Variants in RANBP2 observed in about 807,000 individuals in gnomAD.
RANBP2 encodes E3 SUMO-protein ligase RanBP2.
RANBP2 carries 57 observed loss-of-function variants against 303.6 expected under a neutral mutation model. The ratio of observed to expected loss-of-function variants is 0.19; its 90% CI spans 0.15 to 0.23. The LOEUF (loss-of-function observed/expected upper bound fraction) is 0.23. Ranked by LOEUF, RANBP2 falls within the 10% of genes least tolerant of loss-of-function variation. The pLI, the probability that RANBP2 is intolerant of heterozygous loss-of-function variation, is 1.00. For synonymous variants in RANBP2, 1,167 were observed against 1,301.5 expected (o/e 0.90, Z 2.23); for missense variants, 3,138 against 3,780.8 (o/e 0.83, Z 4.46).
At chr2:109,130,086 G>T in the RANBP2 span, 1 of 1,357,174 alleles carries the variant, frequency 7.4e-7, no homozygotes, top group Non-Finnish European at 9.5e-7. Flanking sequence ...GGGAGCTGGC[G>T]ACCAGCAGGA....
the RANBP2 span, chr2:108,923,257 CTG>C: frequency 9.4e-7 from 1 of 1,064,172 alleles, no homozygotes; most frequent in Non-Finnish European, 1.5e-6. Context: ...AGTGCTGTTA[CTG>C]TGATTCACCT....
At chr2:109,212,606 C>G in the RANBP2 span, among the ~76,000 whole-genome samples, 9 of 152,274 alleles carry the variant, frequency 5.9e-5, no homozygotes, top group Non-Finnish European at 1.2e-4. Context: ...TTTGACAGAT[C>G]TTTTGGGTTC....
the RANBP2 span, among the ~76,000 whole-genome samples, chr2:109,705,176 G>A: frequency 6.6e-6 from 1 of 152,002 alleles, no homozygotes; most frequent in South Asian, 2.1e-4. Flanking sequence ...AGGCTGAGGC[G>A]GGCGGATCCC....
chr2:109,086,241 G>A, the RANBP2 span, among the ~76,000 whole-genome samples: 5 of 152,288 alleles, frequency 3.3e-5, no homozygotes, highest in South Asian at 1.0e-3. Context: ...GCACTCGGGT[G>A]CAGGTACCTG....
chr2:109,418,999 C>T, the RANBP2 span, among the ~76,000 whole-genome samples: 9 of 152,120 alleles, frequency 5.9e-5, no homozygotes, highest in African/African-American at 2.2e-4. Context: ...GGGTCATCTC[C>T]TTGCTTAAAA....
At chr2:108,769,680 A>T (rs1341322281) in intron 20 of RANBP2, among the ~76,000 whole-genome samples, 1 of 152,112 alleles carries the variant, frequency 6.6e-6, no homozygotes, top group Non-Finnish European at 1.5e-5. Flanking sequence ...TACAATATGG[A>T]AGAGTGTCCC....
At chr2:108,786,729 C>G (rs1160627706), downstream of RANBP2, 4 of 1,175,004 alleles carry the variant, frequency 3.4e-6, no homozygotes, top group African/African-American at 6.2e-5. Flanking sequence ...CTCGGGGGGG[C>G]GGGGTCTGGC....
At chr2:108,804,634 GACTCATTGCTACTTTGT>G in the RANBP2 span, among the ~76,000 whole-genome samples, 1 of 152,134 alleles carries the variant, frequency 6.6e-6, no homozygotes, top group Non-Finnish European at 1.5e-5. Flanking sequence ...GCAGAAAATA[GACTCATTGCTACTTTGT>G]AAATGCTAAT....
the RANBP2 span, among the ~76,000 whole-genome samples, chr2:108,912,948 CTTT>C: frequency 6.5e-5 from 9 of 139,106 alleles, no homozygotes; most frequent in South Asian, 2.3e-4. Context: ...CGTTATTGTT[CTTT>C]TTTTTTTTTT....
rs1454439395 is a variant in RANBP2 at position 108,763,226 on chromosome 2, C to G, written c.2698-11C>G. On this transcript the variant is annotated splice_polypyrimidine_tract_variant and intron_variant, in intron 19 of 28. Coordinates refer to ENST00000283195, the MANE Select transcript of RANBP2 (RefSeq NM_006267.5). ...ACAATCTACAAAATGTTTTAACTTT[C>G]TGTCTTTTAGGGCCCAGTCTATGGC... is the stretch of plus-strand genomic sequence containing the variant. 6.2e-6 allele frequency: 10 copies of G among 1,613,032 alleles called. No individual in the cohort carries two copies. The highest frequency in any genetic ancestry group is 8.5e-6 in the Non-Finnish European group (10 of 1,179,546).
chr2:109,141,020 C>T, the RANBP2 span, among the ~76,000 whole-genome samples: 14 of 152,288 alleles, frequency 9.2e-5, no homozygotes, highest in Admixed American at 2.0e-4. Flanking sequence ...GTTGGGCAGG[C>T]GGTATCTGGC....
the RANBP2 span, among the ~76,000 whole-genome samples, chr2:109,322,211 C>T: frequency 2.6e-5 from 4 of 152,116 alleles, no homozygotes; most frequent in African/African-American, 4.8e-5. Context: ...TGGAATCCCC[C>T]GAATAATCAC....
At chr2:109,011,965 G>A in the RANBP2 span, among the ~76,000 whole-genome samples, 2 of 152,056 alleles carry the variant, frequency 1.3e-5, no homozygotes, top group Non-Finnish European at 2.9e-5. Flanking sequence ...ACATCTTCCC[G>A]TACCTTTCTG....
At chr2:108,774,455 A>G (rs1409464184) in intron 23 of RANBP2, among the ~76,000 whole-genome samples, 2 of 152,150 alleles carry the variant, frequency 1.3e-5, no homozygotes, top group Non-Finnish European at 2.9e-5. Flanking sequence ...CTGGACAACA[A>G]CATAGTGAGA....
the RANBP2 span, chr2:109,568,046 C>T: frequency 8.2e-7 from 1 of 1,214,490 alleles, no homozygotes; most frequent in East Asian, 2.5e-5. Context: ...TGTTTTTTCA[C>T]TCAAAACTGT....
At chr2:109,647,999 G>C in the RANBP2 span, among the ~76,000 whole-genome samples, 3 of 152,324 alleles carry the variant, frequency 2.0e-5, no homozygotes, top group East Asian at 5.8e-4. Context: ...TATGTTGGAG[G>C]AGGCAGAAAA....
the RANBP2 span, among the ~76,000 whole-genome samples, chr2:109,226,357 A>T: frequency 6.6e-6 from 1 of 152,210 alleles, no homozygotes; most frequent in East Asian, 1.9e-4. Context: ...ACATTGACTC[A>T]GGAAGGTCAG....
the RANBP2 span, among the ~76,000 whole-genome samples, chr2:109,707,928 G>A: frequency 6.6e-6 from 1 of 152,254 alleles, no homozygotes; most frequent in African/African-American, 2.4e-5. Context: ...CCTGCCCTGT[G>A]GAAAGTGGCA....
chr2:109,382,800 C>T, the RANBP2 span, among the ~76,000 whole-genome samples: 2 of 152,206 alleles, frequency 1.3e-5, no homozygotes, highest in African/African-American at 4.8e-5. Context: ...AGTTAGCACC[C>T]CCAATGTTCT....
Sources: allele counts gnomAD v4.1 joint callset (sites outside exome capture counted in the v4.1 genomes callset), GRCh38; gene constraint gnomAD v4.1.1; transcripts MANE v1.5; gene names NCBI Gene and HGNC (gene_info 2026-07-23, HGNC 2026-07-21).